ZNF362: variants seen among roughly 807,000 people sequenced by gnomAD.
ZNF362 encodes zinc finger protein 362.
In ZNF362, 11 loss-of-function variants were observed where a neutral mutation model predicts 42.9. That is an observed-to-expected ratio of 0.26 (90% confidence interval 0.16 to 0.42). The LOEUF is 0.42. ZNF362 is among the 20% of genes least tolerant of loss of function. ZNF362 has a pLI of 1.00. For synonymous variants in ZNF362, 255 were observed against 257.3 expected (o/e 0.99, Z 0.09); for missense variants, 362 against 576.2 (o/e 0.63, Z 3.81).
the ZNF362 span, among the ~76,000 whole-genome samples, chr1:33,155,661 C>A: frequency 2.0e-5 from 3 of 152,162 alleles, no homozygotes; most frequent in Non-Finnish European, 4.4e-5. Flanking sequence ...AGCTCTGTGC[C>A]TCCGTTACTT....
the ZNF362 span, among the ~76,000 whole-genome samples, chr1:33,186,885 T>C: frequency 6.7e-6 from 1 of 148,416 alleles, no homozygotes; most frequent in Non-Finnish European, 1.5e-5. Flanking sequence ...GCCACATGTG[T>C]CTTAGCATGG....
the ZNF362 span, among the ~76,000 whole-genome samples, chr1:33,221,147 T>C: frequency 1.3e-5 from 2 of 152,204 alleles, no homozygotes; most frequent in Non-Finnish European, 2.9e-5. Context: ...GGTGTTTCTC[T>C]CCTAACCCTG....
chr1:33,237,711 C>T, the ZNF362 span, among the ~76,000 whole-genome samples: 1 of 152,126 alleles, frequency 6.6e-6, no homozygotes, highest in African/African-American at 2.4e-5. Context: ...CTTCCTGGGC[C>T]CACAAGTAAA....
the ZNF362 span, among the ~76,000 whole-genome samples, chr1:33,224,349 G>T: frequency 6.6e-6 from 1 of 152,204 alleles, no homozygotes. Context: ...CAACTGAAGA[G>T]AGAATTAGTG....
the ZNF362 span, among the ~76,000 whole-genome samples, chr1:33,205,926 T>A: frequency 7.7e-4 from 117 of 151,278 alleles, 2 homozygotes; most frequent in Middle Eastern, 3.4e-3. Context: ...AAAAAAAAAA[T>A]AAATAAATAA....
chr1:33,193,285 T>A, the ZNF362 span, among the ~76,000 whole-genome samples: 1 of 152,132 alleles, frequency 6.6e-6, no homozygotes, highest in Non-Finnish European at 1.5e-5. Context: ...GCATTAACTG[T>A]GTGATGGTGG....
At chr1:33,249,292 G>A in the ZNF362 span, among the ~76,000 whole-genome samples, 1 of 152,168 alleles carries the variant, frequency 6.6e-6, no homozygotes. Flanking sequence ...GAACTCCAGG[G>A]GGCTTGTGTG....
chr1:33,279,477 GTT>G (rs779593225), intron 4 of ZNF362, among the ~76,000 whole-genome samples: 1 of 139,616 alleles, frequency 7.2e-6, no homozygotes, highest in Non-Finnish European at 1.6e-5. Context: ...CAAATTTTTA[GTT>G]TTTTTTTTTT....
At chr1:33,187,469 AG>A in the ZNF362 span, among the ~76,000 whole-genome samples, 2 of 152,204 alleles carry the variant, frequency 1.3e-5, no homozygotes, top group Non-Finnish European at 2.9e-5. Context: ...AAGAAGGAAG[AG>A]GAAGAGGTAG....
At chr1:33,271,535 C>G (rs1309186189) in intron 2 of ZNF362, among the ~76,000 whole-genome samples, 3 of 152,196 alleles carry the variant, frequency 2.0e-5, no homozygotes, top group Non-Finnish European at 4.4e-5. Flanking sequence ...AAGATTGGAA[C>G]CCGGGTATGT....
chr1:33,280,530 C>T lies in ZNF362; in HGVS notation c.683+73C>T. On this transcript the variant is annotated intron_variant, in intron 5 of 8. Transcript: ENST00000539719. The surrounding 1 kb of genome is among the most constrained non-coding windows in gnomAD (Gnocchi z 5.6). ...TTGAGCCAGGGCTGCTCCAGGAGCC[C>T]AGCAGCGGGGCTGAAACAGGACCCT... is the stretch of plus-strand genomic sequence containing the variant. The T allele has an allele frequency of 6.8e-7, 1 of 1,472,150 alleles. No homozygotes were observed. Among genetic ancestry groups the T allele is most frequent in the Non-Finnish European group, 9.0e-7 (1 of 1,106,146 alleles). The allele number at this position is 1,472,150 out of a possible 1,614,324, so 91.2% of individuals were successfully genotyped here. A position where few individuals can be genotyped will look rare whatever the true frequency, so the allele number is the denominator to read the frequency against.
At chr1:33,210,599 C>T in the ZNF362 span, among the ~76,000 whole-genome samples, 5 of 152,184 alleles carry the variant, frequency 3.3e-5, no homozygotes, top group East Asian at 1.9e-4. Flanking sequence ...CTTTATGAAT[C>T]GTGATGCTCC....
Position 33,299,349 on chromosome 1 carries a change from GTTT to G in ZNF362, c.*313_*315del. On this transcript the variant is annotated 3_prime_UTR_variant, in exon 9 of 9. Transcript: ENST00000539719. ...TTGCTTCACTGTTTTTTTTTTTTTC[GTTT>G]TTTTTTTTTAAGTTTGTTTTGGAAA... The G allele has an allele frequency of 7.7e-6, 1 of 130,578 alleles. No individual in the cohort carries two copies. Among genetic ancestry groups the G allele is most frequent in the Non-Finnish European group, 1.5e-5 (1 of 68,510 alleles). 8.1% of individuals were successfully genotyped at this position (130,578 alleles called of 1,614,324 possible). A position where few individuals can be genotyped will look rare whatever the true frequency, so the allele number is the denominator to read the frequency against.
At chr1:33,155,817 G>C in the ZNF362 span, among the ~76,000 whole-genome samples, 5 of 152,172 alleles carry the variant, frequency 3.3e-5, no homozygotes, top group South Asian at 2.1e-4. Context: ...CTGCCCTTGG[G>C]GGGGATCTGT....
chr1:33,221,866 G>C, the ZNF362 span, among the ~76,000 whole-genome samples: 1 of 152,150 alleles, frequency 6.6e-6, no homozygotes, highest in Non-Finnish European at 1.5e-5. Flanking sequence ...GGATGCAGTG[G>C]ATAGGCTGTG....
the ZNF362 span, among the ~76,000 whole-genome samples, chr1:33,161,080 TGTGAAAGGAGTA>T: frequency 1.3e-5 from 2 of 152,240 alleles, no homozygotes; most frequent in Non-Finnish European, 2.9e-5. The surrounding 1 kb of genome is among the most constrained non-coding windows in gnomAD (Gnocchi z 4.3). Context: ...TTTTCTTATC[TGTGAAAGGAGTA>T]ACAAAAACTG....
At chr1:33,217,418 C>T in the ZNF362 span, among the ~76,000 whole-genome samples, 2 of 152,114 alleles carry the variant, frequency 1.3e-5, no homozygotes, top group Non-Finnish European at 2.9e-5. Context: ...GACCAGCAGG[C>T]GTTTTCCTCT....
chr1:33,160,751 C>G, the ZNF362 span, among the ~76,000 whole-genome samples: 1 of 152,116 alleles, frequency 6.6e-6, no homozygotes, highest in Non-Finnish European at 1.5e-5. Context: ...ATTCAGGGGG[C>G]TCAAGGAAAG....
the ZNF362 span, among the ~76,000 whole-genome samples, chr1:33,148,944 G>T: frequency 4.6e-5 from 7 of 152,260 alleles, no homozygotes; most frequent in Admixed American, 3.9e-4. Context: ...TCTAGCGCCA[G>T]TCCTTTCTCC....
Sources: allele counts gnomAD v4.1 joint callset (sites outside exome capture counted in the v4.1 genomes callset), GRCh38; gene constraint gnomAD v4.1.1; non-coding constraint Gnocchi (gnomAD v3.1); transcripts MANE v1.5; gene names NCBI Gene and HGNC (gene_info 2026-07-23, HGNC 2026-07-21).